The following CKAP5 variants were observed in gnomAD, a reference collection of about 807,000 sequenced individuals.
CKAP5 encodes cytoskeleton-associated protein 5.
In CKAP5, 27 loss-of-function variants were observed where a neutral mutation model predicts 232.8. The observed-to-expected ratio is 0.12, with a 90% CI of 0.09 to 0.16. The LOEUF is 0.16. CKAP5 is among the 10% of genes least tolerant of loss of function. CKAP5 has a pLI of 1.00. For missense variants in CKAP5, 1,838 were observed against 2,424.7 expected (o/e 0.76, Z 5.08); for synonymous variants, 785 against 841.1 (o/e 0.93, Z 1.16).
intron 20 of CKAP5, among the ~76,000 whole-genome samples, chr11:46,779,051 G>C (rs1209278940): frequency 6.6e-6 from 1 of 152,206 alleles, no homozygotes. Flanking sequence ...TTGTACTCCA[G>C]CCTGGGCAAC....
At position 46,791,568 on chromosome 11, in the gene CKAP5, G is replaced by A. The variant is rs141041399; in HGVS notation, c.1651-985C>T. The stretch of plus-strand genomic sequence containing the variant: ...GTATGCCTATAGTCTCAGCTACTTG[G>A]GAGGCTGAGGTGGGAGGGCTGCTTG... On this transcript the variant is annotated intron_variant, in intron 13 of 43. Coordinates refer to ENST00000529230, the MANE Select transcript of CKAP5 (RefSeq NM_001008938.4). Among the ~76,000 whole-genome samples, 945 of 152,182 alleles carry A rather than the reference G, an allele frequency of 6.2e-3. 13 individuals carry two copies. The highest frequency in any genetic ancestry group is 0.022 in the African/African-American group (902 of 41,524).
At chr11:46,771,967 A>T (rs1457304105) in intron 24 of CKAP5, among the ~76,000 whole-genome samples, 1 of 150,958 alleles carries the variant, frequency 6.6e-6, no homozygotes, top group Non-Finnish European at 1.5e-5. Flanking sequence ...AATTCTGATG[A>T]TTGTATAGTG....
chr11:46,752,219 C>CACACACACACACACAT (rs767115981), intron 38 of CKAP5, among the ~76,000 whole-genome samples: 53 of 86,224 alleles, frequency 6.1e-4, no homozygotes, highest in Non-Finnish European at 8.9e-4. Context: ...CACACACACA[C>CACACACACACACACAT]ACACACACAC....
intron 1 of CKAP5, among the ~76,000 whole-genome samples, chr11:46,844,445 C>G (rs1940130364): frequency 6.6e-6 from 1 of 151,714 alleles, no homozygotes; most frequent in Non-Finnish European, 1.5e-5. Context: ...CAAAAAACAC[C>G]AAAAAAACAG....
intron 1 of CKAP5, among the ~76,000 whole-genome samples, chr11:46,823,269 T>C: frequency 6.6e-6 from 1 of 152,152 alleles, no homozygotes; most frequent in South Asian, 2.1e-4. Flanking sequence ...ACAACACCTT[T>C]TTCTTATAAA....
At chr11:46,779,387 C>A (rs1332367160) in intron 20 of CKAP5, among the ~76,000 whole-genome samples, 3 of 152,214 alleles carry the variant, frequency 2.0e-5, no homozygotes, top group Non-Finnish European at 2.9e-5. Context: ...CCCGCCTTGG[C>A]CTCCCAAAGT....
At chr11:46,826,826 A>C (rs1215196563) in intron 1 of CKAP5, 2 of 155,342 alleles carry the variant, frequency 1.3e-5, no homozygotes, top group African/African-American at 2.4e-5. Context: ...AATACCCGGC[A>C]GGCGGCGGCG....
In CKAP5 at chr11:46,750,550, C is replaced by A; in HGVS notation, c.5522G>T (p.Gly1841Val). The A allele has an allele frequency of 6.2e-7, 1 of 1,613,856 alleles. No individual in the cohort carries two copies. Among genetic ancestry groups the A allele is most frequent in the Non-Finnish European group, 8.5e-7 (1 of 1,179,930 alleles). Reference protein sequence around the residue: ...DFLAEIFKKIGSKENTKEGLA... With the variant: ...DFLAEIFKKIVSKENTKEGLA... The stretch of plus-strand genomic sequence containing the variant: ...CACCTCTTTAGTGTTTTCTTTAGAG[C>A]CAATCTTCTTAAAAATCTCAGCTAA... The change falls in exon 41 of 44, where the codon GGC becomes GTC. Residue 1841 changes from glycine to valine, a missense_variant. Around this residue, in one of 6 missense-constraint regions of CKAP5, gnomAD observed 579 missense variants for 843.2 expected, o/e 0.69. Coordinates refer to ENST00000529230, the MANE Select transcript of CKAP5 (RefSeq NM_001008938.4).
intron 1 of CKAP5, among the ~76,000 whole-genome samples, chr11:46,836,441 A>C (rs1230321865): frequency 1.3e-5 from 2 of 152,242 alleles, no homozygotes; most frequent in Non-Finnish European, 2.9e-5. Flanking sequence ...GGTCAGGCAC[A>C]GTGGCTCAAA....
intron 42 of CKAP5, among the ~76,000 whole-genome samples, chr11:46,748,250 G>A (rs1227096339): frequency 6.6e-6 from 1 of 152,116 alleles, no homozygotes; most frequent in Non-Finnish European, 1.5e-5. Flanking sequence ...AAGAACAGAG[G>A]AAGGCAGGGT....
At position 46,744,068 on chromosome 11, in the gene CKAP5, G is replaced by T. The variant is rs558672229; in HGVS notation, c.6054C>A (p.Asp2018Glu). 3 of 1,613,630 alleles carry T rather than the reference G, an allele frequency of 1.9e-6. No individual in the cohort carries two copies. Among genetic ancestry groups the T allele is most frequent in the Non-Finnish European group, 1.7e-6 (2 of 1,180,006 alleles). The change falls in exon 44 of 44, where the codon GAC becomes GAA. Residue 2018 changes from aspartate (D) to glutamate (E), a missense_variant. Asp to Glu is a conservative substitution (Grantham distance 45). Around this residue, in one of 6 missense-constraint regions of CKAP5, gnomAD observed 62 missense variants for 61.1 expected, o/e 1.01. Coordinates refer to ENST00000529230, the MANE Select transcript of CKAP5 (RefSeq NM_001008938.4). ...VTSSSSTANIDDLKKRLERIK... is the reference protein window; with the variant it reads ...VTSSSSTANIEDLKKRLERIK... The stretch of plus-strand genomic sequence containing the variant: ...TTCTCTCCAGTCTTTTTTTCAAGTC[G>T]TCTATGTTAGCTGTGGAGGAGGAGG...
intron 8 of CKAP5, 60 bp downstream of exon 8, chr11:46,807,971 T>C (rs1231141800): frequency 1.7e-6 from 2 of 1,165,210 alleles, no homozygotes; most frequent in African/African-American, 1.5e-5. Flanking sequence ...AGATGACTGA[T>C]GAGAAATTCA....
At chr11:46,812,672 A>C (rs971340214) in intron 4 of CKAP5, among the ~76,000 whole-genome samples, 3 of 151,868 alleles carry the variant, frequency 2.0e-5, no homozygotes, top group Non-Finnish European at 2.9e-5. Context: ...GGGTCTCACT[A>C]TGTCATCCAG....
chr11:46,772,278 G>A (rs1363298430), intron 24 of CKAP5, among the ~76,000 whole-genome samples: 1 of 151,166 alleles, frequency 6.6e-6, no homozygotes, highest in Non-Finnish European at 1.5e-5. Flanking sequence ...TTTTCATGTG[G>A]TTTTTTTTGC....
chr11:46,781,533 A>T (rs1408012793), intron 18 of CKAP5, among the ~76,000 whole-genome samples: 1 of 151,664 alleles, frequency 6.6e-6, no homozygotes, highest in Admixed American at 6.6e-5. Context: ...CTTCCTACCC[A>T]CTCACTCATT....
At chr11:46,837,983 T>C (rs1939954110) in intron 1 of CKAP5, among the ~76,000 whole-genome samples, 7 of 152,032 alleles carry the variant, frequency 4.6e-5, no homozygotes, top group Admixed American at 4.6e-4. Context: ...GAAAAAAAAG[T>C]AAATTCACTG....
chr11:46,780,397 T>C, intron 19 of CKAP5, 31 bp downstream of exon 19: 1 of 1,613,466 alleles, frequency 6.2e-7, no homozygotes, highest in Non-Finnish European at 8.5e-7. Context: ...AAGATGGCAA[T>C]ACTGCCCTAT....
chr11:46,744,442 C>A lies in CKAP5; in HGVS notation c.5840G>T (p.Gly1947Val). 6.2e-7 allele frequency: 1 copy of A among 1,614,112 alleles called. No individual in the cohort carries two copies. The highest frequency in any genetic ancestry group is 8.5e-7 in the Non-Finnish European group (1 of 1,180,038). ...ERLKILRQRC[G>V]LDNTKQDDRP... ...GAGCAGTACCTTTGTGTTGTCCAGA[C>A]CACATCGCTGTCGGAGGATCTTTAG... The change falls in exon 43 of 44, where the codon GGT becomes GTT. Residue 1947 changes from glycine (G) to valine (V), a missense_variant. By Grantham distance (109) the Gly-to-Val change is moderately radical. Coordinates refer to ENST00000529230, the MANE Select transcript of CKAP5 (RefSeq NM_001008938.4).
intron 13 of CKAP5, among the ~76,000 whole-genome samples, chr11:46,794,284 C>T (rs1303798733): frequency 1.3e-5 from 2 of 151,866 alleles, no homozygotes; most frequent in African/African-American, 2.4e-5. Context: ...CAGTGAAACC[C>T]GTCTCTACAA....
Sources: allele counts gnomAD v4.1 joint callset (sites outside exome capture counted in the v4.1 genomes callset), GRCh38; gene constraint gnomAD v4.1.1; regional missense constraint gnomAD v4.1.1; transcripts MANE v1.5; gene names NCBI Gene and HGNC (gene_info 2026-07-23, HGNC 2026-07-21).